The following DMD variants were observed in gnomAD, a reference collection of about 807,000 sequenced individuals.
DMD encodes the protein mutant dystrophin.
In DMD, 63 loss-of-function variants were observed where a neutral mutation model predicts 330.1. The observed-to-expected ratio is 0.19, with a 90% CI of 0.16 to 0.24. DMD has a LOEUF of 0.24. Among genes scored for constraint, DMD ranks in the 10% least tolerant of loss-of-function variants. DMD has a pLI of 1.00. For missense variants in DMD, 3,344 were observed against 2,684.1 expected (o/e 1.25, Z -5.43); for synonymous variants, 1,223 against 959.8 (o/e 1.27, Z -5.07).
At chrX:31,720,112 A>T (rs1031960542) in intron 52 of DMD, among the ~76,000 whole-genome samples, 1 of 112,130 alleles carries the variant, frequency 8.9e-6, no homozygotes, top group Non-Finnish European at 1.9e-5. Flanking sequence ...AAGTAGAACA[A>T]GCTCGGCTTT....
At chrX:31,740,455 T>C (rs1403635622) in intron 51 of DMD, among the ~76,000 whole-genome samples, 1 of 111,967 alleles carries the variant, frequency 8.9e-6, no homozygotes, top group Non-Finnish European at 1.9e-5. Context: ...AAACAATATA[T>C]AGGACTGCCT....
At chrX:31,979,746 A>G (rs780938776) in intron 44 of DMD, among the ~76,000 whole-genome samples, 9 of 112,624 alleles carry the variant, frequency 8.0e-5, no homozygotes, top group African/African-American at 2.6e-4. Flanking sequence ...CCTGCTGCTC[A>G]GGCAGCAACA....
chrX:32,183,586 A>G (rs28622557), intron 44 of DMD, among the ~76,000 whole-genome samples: 4,411 of 99,010 alleles, frequency 0.045, 247 homozygotes, highest in African/African-American at 0.14. Flanking sequence ...ATATATATAT[A>G]TATGTATGTA....
chrX:31,435,339 T>G (rs140973545), intron 60 of DMD, among the ~76,000 whole-genome samples: 1,683 of 111,794 alleles, frequency 0.015, 16 homozygotes, highest in Non-Finnish European at 0.023. Context: ...AAAGTAAAAC[T>G]ATGTATAAAG....
intron 62 of DMD, among the ~76,000 whole-genome samples, chrX:31,264,782 G>A (rs1397588525): frequency 2.7e-5 from 3 of 112,231 alleles, no homozygotes; most frequent in Non-Finnish European, 3.8e-5. Context: ...GCACAAGGCT[G>A]ACCTAATTTC....
intron 47 of DMD, among the ~76,000 whole-genome samples, chrX:31,881,394 T>C (rs868422086): frequency 2.9e-5 from 1 of 34,031 alleles, no homozygotes. Context: ...CTACTAAAAA[T>C]ACAAAAAAAA....
intron 2 of DMD, among the ~76,000 whole-genome samples, chrX:32,881,019 T>TA (rs1376512067): frequency 1.8e-5 from 2 of 112,897 alleles, no homozygotes; most frequent in Non-Finnish European, 3.7e-5. Context: ...CAATTCTTTT[T>TA]AAAAAGCTAA....
At chrX:31,970,363 G>T (rs1250354463) in intron 44 of DMD, among the ~76,000 whole-genome samples, 1 of 110,538 alleles carries the variant, frequency 9.0e-6, no homozygotes, top group Non-Finnish European at 1.9e-5. Context: ...TCCTCCTAGA[G>T]ATTCAAATAA....
intron 43 of DMD, among the ~76,000 whole-genome samples, chrX:32,283,662 C>G (rs1379312400): frequency 8.9e-6 from 1 of 111,992 alleles, no homozygotes; most frequent in Non-Finnish European, 1.9e-5. Context: ...TGTATTGTAA[C>G]AGCAGTCATC....
At chrX:31,922,679 T>C (rs751017145) in intron 47 of DMD, among the ~76,000 whole-genome samples, 1 of 111,432 alleles carries the variant, frequency 9.0e-6, no homozygotes, top group South Asian at 3.8e-4. Flanking sequence ...GGAAAAAAAT[T>C]CCACAAATTT....
At chrX:32,017,959 G>A (rs1293889) in intron 44 of DMD, among the ~76,000 whole-genome samples, 3,662 of 110,767 alleles carry the variant, frequency 0.033, 59 homozygotes, top group Non-Finnish European at 0.048. Context: ...ATTAGATTTT[G>A]CATGGAAATC....
chrX:31,381,448 T>C lies in DMD; in HGVS notation c.9085-32814A>G, dbSNP rs186472725. Among the ~76,000 whole-genome samples, 499 of 111,496 alleles carry C rather than the reference T, an allele frequency of 4.5e-3. 4 individuals carry two copies. The highest frequency in any genetic ancestry group is 0.014 in the Middle Eastern group (3 of 216). The stretch of plus-strand genomic sequence containing the variant: ...TCTACAGTTCTCATAACTTCCAAAA[T>C]CTATTTTCTTCCTCACACCTGACGC... On this transcript the variant is annotated intron_variant, in intron 60 of 78. Coordinates refer to ENST00000357033, the MANE Select transcript of DMD (RefSeq NM_004006.3).
chrX:31,585,222 C>A (rs1290453198), intron 55 of DMD, among the ~76,000 whole-genome samples: 1 of 103,112 alleles, frequency 9.7e-6, no homozygotes, highest in Non-Finnish European at 1.9e-5. Flanking sequence ...ACTTGGGAGG[C>A]TGAGGTTGGG....
At chrX:32,380,441 C>T (rs72468635) in intron 34 of DMD, 69 bp downstream of exon 34, 846 of 996,661 alleles carry the variant, frequency 8.5e-4, no homozygotes, top group Admixed American at 1.3e-3. Context: ...CATGTTAATA[C>T]TTCCTTACAA....
intron 45 of DMD, among the ~76,000 whole-genome samples, chrX:31,960,314 C>G (rs765397902): frequency 9.0e-5 from 10 of 111,081 alleles, no homozygotes; most frequent in Non-Finnish European, 1.7e-4. Flanking sequence ...GAACACCTTT[C>G]AAAAACATCA....
At chrX:33,211,205 TC>T in intron 1 of DMD, 76 bp downstream of exon 1, 1 of 1,119,819 alleles carries the variant, frequency 8.9e-7, no homozygotes, top group Non-Finnish European at 1.2e-6. Flanking sequence ...TTAAAATCAA[TC>T]TACCTAATTA....
intron 48 of DMD, among the ~76,000 whole-genome samples, chrX:31,850,108 C>G (rs989816757): frequency 2.7e-5 from 3 of 110,929 alleles, no homozygotes; most frequent in African/African-American, 6.6e-5. Context: ...CATGTGTTCT[C>G]ATCACTTAGC....
intron 1 of DMD, among the ~76,000 whole-genome samples, chrX:33,119,729 C>A (rs73453830): frequency 0.042 from 4,661 of 111,737 alleles, 228 homozygotes; most frequent in African/African-American, 0.14. Flanking sequence ...AAAAGCTCAA[C>A]CTTTAGGCCA....
At chrX:31,205,638 C>T (rs1913650700) in intron 66 of DMD, among the ~76,000 whole-genome samples, 1 of 112,418 alleles carries the variant, frequency 8.9e-6, no homozygotes, top group Admixed American at 9.4e-5. Flanking sequence ...TTAACAAAAG[C>T]TGTTCAGTTA....
Sources: allele counts gnomAD v4.1 joint callset (sites outside exome capture counted in the v4.1 genomes callset), GRCh38; gene constraint gnomAD v4.1.1; transcripts MANE v1.5; gene names NCBI Gene and HGNC (gene_info 2026-07-23, HGNC 2026-07-21).